Variants in STYXL1 observed in about 807,000 individuals in gnomAD.
STYXL1 encodes the protein serine/threonine/tyrosine-interacting-like protein 1.
STYXL1 carries 32 observed loss-of-function variants against 36.4 expected under a neutral mutation model. The observed-to-expected ratio is 0.88, with a 90% CI of 0.66 to 1.18. The LOEUF is 1.18. Ranked by LOEUF, STYXL1 falls within the 50% of genes most tolerant of loss-of-function variation. The pLI is 0.00. For missense variants in STYXL1, 354 were observed against 394.1 expected (o/e 0.90, Z 0.86); for synonymous variants, 133 against 144.1 (o/e 0.92, Z 0.55).
chr7:76,046,670 A>T, intron 1 of STYXL1, among the ~76,000 whole-genome samples: 1 of 116,520 alleles, frequency 8.6e-6, no homozygotes, highest in Non-Finnish European at 1.7e-5. Context: ...TTTTTGAGAC[A>T]GAGTCTTTCT....
chr7:76,040,652 CATGGT>C (rs1796390597), intron 1 of STYXL1, among the ~76,000 whole-genome samples: 1 of 152,006 alleles, frequency 6.6e-6, no homozygotes, highest in South Asian at 2.1e-4. Flanking sequence ...GCCTGACCAA[CATGGT>C]AAAACCTAGT....
intron 8 of STYXL1, among the ~76,000 whole-genome samples, chr7:75,997,271 A>T (rs893284234): frequency 1.3e-5 from 2 of 152,108 alleles, no homozygotes; most frequent in Admixed American, 6.6e-5. Flanking sequence ...GTCTCTACTA[A>T]AAAAATGCAA....
chr7:76,023,242 T>G (rs1794290518), intron 3 of STYXL1, among the ~76,000 whole-genome samples: 1 of 152,078 alleles, frequency 6.6e-6, no homozygotes, highest in African/African-American at 2.4e-5. Flanking sequence ...CCAGCAATGC[T>G]CAGACTCCCA....
chr7:76,038,755 A>T (rs1446956012), intron 1 of STYXL1, among the ~76,000 whole-genome samples: 1 of 148,482 alleles, frequency 6.7e-6, no homozygotes, highest in Non-Finnish European at 1.5e-5. Context: ...AGGCGAGCTA[A>T]CTAACTCTTG....
chr7:76,014,661 T>C (rs2115825160), intron 4 of STYXL1, among the ~76,000 whole-genome samples: 1 of 152,164 alleles, frequency 6.6e-6, no homozygotes, highest in South Asian at 2.1e-4. Context: ...TCTTCTTTTC[T>C]GCAAACTCTG....
At chr7:75,996,993 G>A (rs1371075325) in intron 8 of STYXL1, among the ~76,000 whole-genome samples, 2 of 152,232 alleles carry the variant, frequency 1.3e-5, no homozygotes, top group Non-Finnish European at 2.9e-5. Flanking sequence ...ATTCTCTGAA[G>A]AAGAAAATTC....
At chr7:76,000,643 G>C (rs1025586122) in intron 8 of STYXL1, 8 of 593,012 alleles carry the variant, frequency 1.3e-5, no homozygotes, top group Admixed American at 6.5e-5. Context: ...ACAGCAGTGG[G>C]GGCTGCAGGA....
rs576870128 is a variant in STYXL1 at position 75,999,339 on chromosome 7, T to C, written c.810+1551A>G. ...ACAGAGACAAAAAGTAGAATGGTGG[T>C]TCCCACGGGGCGATGAAGAGGGGAA... On this transcript the variant is annotated intron_variant, in intron 8 of 8. Transcript: ENST00000359697. Among the ~76,000 whole-genome samples, 3 of 152,262 alleles carry C rather than the reference T, an allele frequency of 2.0e-5. No homozygotes were observed. In the South Asian group the frequency reaches 6.2e-4, roughly 32 times the overall value.
chr7:76,000,497 C>G, intron 8 of STYXL1: 1 of 459,796 alleles, frequency 2.2e-6, no homozygotes, highest in Non-Finnish European at 4.4e-6. Flanking sequence ...TGGGTCCCTG[C>G]TTCCCTCTCT....
At chr7:76,028,308 G>A (rs1193365728) in intron 3 of STYXL1, among the ~76,000 whole-genome samples, 9 of 152,132 alleles carry the variant, frequency 5.9e-5, no homozygotes, top group African/African-American at 1.2e-4. Context: ...TGCTGGGACT[G>A]CAGGCATGAA....
At chr7:76,022,036 G>A in intron 3 of STYXL1, 44 bp from the exon 4 acceptor site, 1 of 1,586,064 alleles carries the variant, frequency 6.3e-7, no homozygotes. Flanking sequence ...CCTGTTGGTG[G>A]GCAGGTTCGG....
intron 3 of STYXL1, among the ~76,000 whole-genome samples, chr7:76,026,096 G>A (rs565151377): frequency 6.8e-6 from 1 of 146,100 alleles, no homozygotes; most frequent in East Asian, 2.2e-4. Context: ...GGAGGCTGAG[G>A]CAGGATAATG....
chr7:76,028,594 C>CA (rs1402099119), intron 3 of STYXL1, 48 bp downstream of exon 3: 2 of 1,574,656 alleles, frequency 1.3e-6, no homozygotes, highest in African/African-American at 2.7e-5. Flanking sequence ...TTCCCCACCC[C>CA]ACTGCAAGGT....
chr7:76,021,826 C>T, intron 4 of STYXL1, 25 bp downstream of exon 4: 3 of 1,556,818 alleles, frequency 1.9e-6, no homozygotes, highest in Non-Finnish European at 2.7e-6. Flanking sequence ...AACTATTATT[C>T]TTGCTGCTGT....
rs1246561463 is a variant in STYXL1 at position 75,996,515 on chromosome 7, T to C, written c.895A>G (p.Thr299Ala). 6.2e-7 allele frequency: 1 copy of C among 1,614,218 alleles called. No individual in the cohort carries two copies. The highest frequency in any genetic ancestry group is 1.1e-5 in the South Asian group (1 of 91,088). The change falls in exon 9 of 9, where the codon ACT becomes GCT. Residue 299 changes from threonine (T) to alanine (A), a missense_variant. Transcript: ENST00000359697. ...LVSQLLEWEK[T>A]ILGDSITNIM... ...TTTGTGATGGAATCTCCAAGGATAG[T>C]CTTCTCCCATTCCAGCAGCTGGCTC...
rs1796635732 is a variant in STYXL1 at position 76,043,166 on chromosome 7, GA to G, written c.-5+4495del. Among the ~76,000 whole-genome samples, 4 of 152,264 alleles carry G rather than the reference GA, an allele frequency of 2.6e-5. 1 individual carries two copies. The South Asian group carries it at 8.3e-4, about 32-fold the overall frequency. Reference sequence around the variant, plus strand: ...TTATTAGTATTGCTTTTCTGAGATGGAGTCACGCTCTGTTGCCCAGGCTGGA... The same window carrying G: ...TTATTAGTATTGCTTTTCTGAGATGGGTCACGCTCTGTTGCCCAGGCTGGA... On this transcript the variant is annotated intron_variant, in intron 1 of 8. Transcript: ENST00000359697.
At chr7:76,024,343 G>A (rs1374526797) in intron 3 of STYXL1, among the ~76,000 whole-genome samples, 6 of 152,180 alleles carry the variant, frequency 3.9e-5, no homozygotes, top group African/African-American at 1.4e-4. Context: ...ATCAGGCCAG[G>A]CCTGGTGGCT....
chr7:76,046,329 TGTGTGTGTGTGC>T (rs1298152573), intron 1 of STYXL1, among the ~76,000 whole-genome samples: 72 of 12,390 alleles, frequency 5.8e-3, no homozygotes, highest in Admixed American at 0.019. Context: ...TGTGTGTGTG[TGTGTGTGTGTGC>T]GCGCGCGCGC....
At chr7:76,042,460 A>G (rs1796573192) in intron 1 of STYXL1, among the ~76,000 whole-genome samples, 1 of 123,464 alleles carries the variant, frequency 8.1e-6, no homozygotes, top group African/African-American at 2.9e-5. Flanking sequence ...GCTGGAGTAC[A>G]GCGGCGCGAT....
Sources: allele counts gnomAD v4.1 joint callset (sites outside exome capture counted in the v4.1 genomes callset), GRCh38; gene constraint gnomAD v4.1.1; transcripts MANE v1.5; gene names NCBI Gene and HGNC (gene_info 2026-07-23, HGNC 2026-07-21).